The following SCAF8 variants were observed in gnomAD, a reference collection of about 807,000 sequenced individuals.
The protein encoded by SCAF8 is SR-related CTD associated factor 8.
SCAF8 carries 23 observed loss-of-function variants against 140.5 expected under a neutral mutation model. That is an observed-to-expected ratio of 0.16 (90% CI 0.12 to 0.23). The LOEUF is 0.23. Ranked by LOEUF, SCAF8 falls within the 10% of genes least tolerant of loss-of-function variation. The pLI is 1.00. For missense variants in SCAF8, 1,397 were observed against 1,555.7 expected (o/e 0.90, Z 1.72); for synonymous variants, 575 against 528.9 (o/e 1.09, Z -1.20).
intron 2 of SCAF8, among the ~76,000 whole-genome samples, chr6:154,776,855 A>G (rs1045148953): frequency 2.8e-4 from 42 of 152,174 alleles, no homozygotes; most frequent in African/African-American, 9.6e-4. Flanking sequence ...GTCTAAGGGA[A>G]TGTCCTTAAA....
intron 1 of SCAF8, among the ~76,000 whole-genome samples, chr6:154,751,015 A>G (rs1367150023): frequency 6.6e-6 from 1 of 152,086 alleles, no homozygotes; most frequent in Non-Finnish European, 1.5e-5. Context: ...TCCCAGGAAG[A>G]TTAAAATGAA....
In SCAF8 at chr6:154,822,371, C is replaced by G. The variant is rs769752230; in HGVS notation, c.1888C>G (p.Gln630Glu). The G allele has an allele frequency of 1.2e-6, 2 of 1,613,518 alleles. No individual in the cohort carries two copies. Among genetic ancestry groups the G allele is most frequent in the Admixed American group, 3.3e-5 (2 of 59,988 alleles). Reference protein sequence around the residue: ...PVEKETVVTTQAEVFPPPVAM... With the variant: ...PVEKETVVTTEAEVFPPPVAM... ...TGAAAAGGAGACAGTGGTCACAACC[C>G]AGGCAGAGGTTTTCCCTCCTCCTGT... Residue 630 changes from glutamine (Q) to glutamate (E), a missense_variant, in exon 16 of 20, where the codon CAG becomes GAG. This residue lies in a region of SCAF8 where 930 missense variants were observed against 874.6 expected (regional missense o/e 1.06). Coordinates refer to ENST00000367178, the MANE Select transcript of SCAF8 (RefSeq NM_014892.5).
chr6:154,757,595 A>T (rs1199426947), intron 1 of SCAF8, among the ~76,000 whole-genome samples: 2 of 152,188 alleles, frequency 1.3e-5, no homozygotes, highest in Non-Finnish European at 2.9e-5. Flanking sequence ...CTAATATGTA[A>T]CACATTGTGG....
At chr6:154,767,228 C>T (rs1343394984) in intron 1 of SCAF8, among the ~76,000 whole-genome samples, 1 of 152,180 alleles carries the variant, frequency 6.6e-6, no homozygotes, top group Non-Finnish European at 1.5e-5. Flanking sequence ...CTTTTCCTAT[C>T]AAGGCTCAGG....
chr6:154,741,208 G>A (rs1023600091), intron 1 of SCAF8, among the ~76,000 whole-genome samples: 6 of 152,098 alleles, frequency 3.9e-5, no homozygotes, highest in African/African-American at 1.2e-4. Context: ...ACTGATAATG[G>A]TTTTGAGAGA....
chr6:154,810,183 T>A lies in SCAF8; in HGVS notation c.1395T>A (p.Pro465=), dbSNP rs765466462. ...AAGAACGACAGAAAAAGGGATTACCTCCAATTAGATCTAAAACACTAAGTG... is the reference window on the plus strand; with the variant it reads ...AAGAACGACAGAAAAAGGGATTACCACCAATTAGATCTAAAACACTAAGTG... ...REKERQKKGL[P]PIRSKTLSVC... Residue 465 remains proline, a synonymous_variant, in exon 12 of 20, where the codon CCT becomes CCA. Coordinates refer to ENST00000367178, the MANE Select transcript of SCAF8 (RefSeq NM_014892.5). 6.2e-7 allele frequency: 1 copy of A among 1,610,044 alleles called. No homozygotes were observed. Among genetic ancestry groups the A allele is most frequent in the Non-Finnish European group, 8.5e-7 (1 of 1,178,490 alleles).
At chr6:154,812,717 A>G (rs1778132454) in intron 12 of SCAF8, among the ~76,000 whole-genome samples, 1 of 152,198 alleles carries the variant, frequency 6.6e-6, no homozygotes, top group South Asian at 2.1e-4. Flanking sequence ...CCAGTGAATA[A>G]TAACATTCCA....
chr6:154,745,297 T>C (rs1256345006), intron 1 of SCAF8, among the ~76,000 whole-genome samples: 3 of 152,224 alleles, frequency 2.0e-5, no homozygotes, highest in Non-Finnish European at 4.4e-5. Context: ...AGGAGTAATA[T>C]TGTATTCCTC....
At chr6:154,785,654 G>A (rs1777230689) in intron 3 of SCAF8, among the ~76,000 whole-genome samples, 2 of 149,386 alleles carry the variant, frequency 1.3e-5, no homozygotes, top group African/African-American at 5.0e-5. Flanking sequence ...AGTAGCTGCA[G>A]GTGGGAGCAC....
At chr6:154,768,358 A>C (rs560183649) in intron 1 of SCAF8, among the ~76,000 whole-genome samples, 2 of 152,374 alleles carry the variant, frequency 1.3e-5, no homozygotes, top group African/African-American at 4.8e-5. Context: ...ACATAATGAA[A>C]AACCTTCGAG....
chr6:154,827,072 A>G, intron 17 of SCAF8, 100 bp from the exon 18 acceptor site: 1 of 968,890 alleles, frequency 1.0e-6, no homozygotes, highest in East Asian at 2.6e-5. Context: ...GTTGTAGTCC[A>G]TTTTAAGAAT....
intron 1 of SCAF8, among the ~76,000 whole-genome samples, chr6:154,762,965 A>G (rs1776449742): frequency 5.3e-5 from 8 of 152,180 alleles, no homozygotes; most frequent in Admixed American, 5.2e-4. Flanking sequence ...CACTTGTGTC[A>G]TTCCTGCCCT....
At chr6:154,774,550 T>C (rs1375948373) in intron 2 of SCAF8, among the ~76,000 whole-genome samples, 1 of 152,122 alleles carries the variant, frequency 6.6e-6, no homozygotes, top group African/African-American at 2.4e-5. Context: ...TGCCACAAGG[T>C]TCTTGGCAGA....
chr6:154,764,644 A>G (rs1301289807), intron 1 of SCAF8, among the ~76,000 whole-genome samples: 2 of 152,144 alleles, frequency 1.3e-5, no homozygotes, highest in Admixed American at 1.3e-4. Context: ...CCAGATCCCA[A>G]GAAGTAGACT....
intron 3 of SCAF8, 114 bp downstream of exon 3, chr6:154,778,159 T>C (rs1776969944): frequency 1.7e-6 from 1 of 588,492 alleles, no homozygotes; most frequent in Non-Finnish European, 2.9e-6. Flanking sequence ...TAAAAAGTGA[T>C]TCCAGTTATT....
At chr6:154,827,861 T>C (rs1178594959) in intron 18 of SCAF8, among the ~76,000 whole-genome samples, 1 of 151,716 alleles carries the variant, frequency 6.6e-6, no homozygotes, top group South Asian at 2.1e-4. Context: ...TAAAACTTTA[T>C]TTTTTAGAGC....
chr6:154,827,249 T>C lies in SCAF8; in HGVS notation c.2140+9T>C. ...ACCAGTAGTACCAACATGTAAGTTTTCTACTTTTAGAGTTTTCTTTATTCA... is the reference window on the plus strand; with the variant it reads ...ACCAGTAGTACCAACATGTAAGTTTCCTACTTTTAGAGTTTTCTTTATTCA... On this transcript the variant is annotated intron_variant, in intron 18 of 19. Coordinates refer to ENST00000367178, the MANE Select transcript of SCAF8 (RefSeq NM_014892.5). The C allele has an allele frequency of 6.3e-7, 1 of 1,588,432 alleles. No individual in the cohort carries two copies. The highest frequency in any genetic ancestry group is 8.6e-7 in the Non-Finnish European group (1 of 1,166,070).
At chr6:154,823,567 G>T (rs866326522) in intron 16 of SCAF8, among the ~76,000 whole-genome samples, 3 of 152,208 alleles carry the variant, frequency 2.0e-5, no homozygotes, top group Non-Finnish European at 2.9e-5. Context: ...ATGAGCAAAA[G>T]CAGAGGCAAG....
Position 154,792,805 on chromosome 6 carries a change from GT to G in SCAF8, c.322-15del. ...TTGAGAGTAAAAACCAAAATGTCATGTTTCTTTTTTTCTCTAGAGTAAAATA... is the reference window on the plus strand; with the variant it reads ...TTGAGAGTAAAAACCAAAATGTCATGTTCTTTTTTTCTCTAGAGTAAAATA... On this transcript the variant is annotated splice_polypyrimidine_tract_variant and intron_variant, in intron 4 of 19. Coordinates refer to ENST00000367178, the MANE Select transcript of SCAF8 (RefSeq NM_014892.5). The G allele has an allele frequency of 1.3e-6, 2 of 1,556,208 alleles. No individual in the cohort carries two copies. The highest frequency in any genetic ancestry group is 1.7e-6 in the Non-Finnish European group (2 of 1,149,044).
Sources: allele counts gnomAD v4.1 joint callset (sites outside exome capture counted in the v4.1 genomes callset), GRCh38; gene constraint gnomAD v4.1.1; regional missense constraint gnomAD v4.1.1; transcripts MANE v1.5; gene names NCBI Gene and HGNC (gene_info 2026-07-23, HGNC 2026-07-21).